Variants in PTPRT observed in about 807,000 individuals in gnomAD.
PTPRT encodes receptor-type tyrosine-protein phosphatase T.
A neutral mutation model predicts 176.8 loss-of-function variants in PTPRT; 56 were observed. That is an observed-to-expected ratio of 0.32 (90% confidence interval 0.26 to 0.40). The LOEUF (loss-of-function observed/expected upper bound fraction) is 0.40. Ranked by LOEUF, PTPRT falls within the 10% of genes least tolerant of loss-of-function variation. The pLI is 1.00. For missense variants in PTPRT, 1,540 were observed against 1,908.2 expected (o/e 0.81, Z 3.60); for synonymous variants, 783 against 739.0 (o/e 1.06, Z -0.96).
At chr20:42,135,472 A>C (rs932723854) in intron 18 of PTPRT, among the ~76,000 whole-genome samples, 2 of 152,200 alleles carry the variant, frequency 1.3e-5, no homozygotes, top group African/African-American at 4.8e-5. Flanking sequence ...GGGGCCCATC[A>C]ATATGCATTT....
chr20:43,066,423 A>T (rs541683827), intron 1 of PTPRT, among the ~76,000 whole-genome samples: 2 of 152,190 alleles, frequency 1.3e-5, no homozygotes, highest in Admixed American at 6.5e-5. Flanking sequence ...ACCCAAGAAC[A>T]TTGCAGAGGC....
chr20:42,424,773 C>G (rs1237496909), intron 9 of PTPRT, among the ~76,000 whole-genome samples: 8 of 150,550 alleles, frequency 5.3e-5, no homozygotes, highest in African/African-American at 2.5e-5. Context: ...AAATATAAAA[C>G]AGTCCTTAGC....
chr20:42,723,807 A>T (rs1249297546), intron 6 of PTPRT, among the ~76,000 whole-genome samples: 1 of 152,158 alleles, frequency 6.6e-6, no homozygotes, highest in Non-Finnish European at 1.5e-5. Context: ...CCCACATGGG[A>T]TGGGCAGATC....
chr20:42,049,339 C>T, the PTPRT span, among the ~76,000 whole-genome samples: 6 of 152,200 alleles, frequency 3.9e-5, no homozygotes, highest in Non-Finnish European at 8.8e-5. Context: ...GTCTCTTGGC[C>T]TCCCCTTAGG....
chr20:42,729,024 C>T (rs868825461), intron 6 of PTPRT, among the ~76,000 whole-genome samples: 1 of 152,032 alleles, frequency 6.6e-6, no homozygotes, highest in African/African-American at 2.4e-5. Context: ...ACTCAACTCA[C>T]AGAACAATCC....
chr20:42,829,867 G>A (rs2078056736), intron 2 of PTPRT, among the ~76,000 whole-genome samples: 1 of 152,052 alleles, frequency 6.6e-6, no homozygotes, highest in Non-Finnish European at 1.5e-5. Flanking sequence ...ACACATTTGT[G>A]GACATATACA....
chr20:42,845,218 C>T (rs1036610033), intron 2 of PTPRT, among the ~76,000 whole-genome samples: 7 of 152,172 alleles, frequency 4.6e-5, no homozygotes, highest in East Asian at 1.9e-4. Flanking sequence ...GTTTCTGTTT[C>T]GGGTGTTCTT....
chr20:42,954,008 T>A (rs1186989376), intron 1 of PTPRT, among the ~76,000 whole-genome samples: 1 of 152,018 alleles, frequency 6.6e-6, no homozygotes, highest in Non-Finnish European at 1.5e-5. Flanking sequence ...GCCTGGGAGA[T>A]AATGGACGAG....
chr20:42,542,994 T>G (rs774081922), intron 7 of PTPRT, among the ~76,000 whole-genome samples: 1 of 152,218 alleles, frequency 6.6e-6, no homozygotes, highest in African/African-American at 2.4e-5. Flanking sequence ...ATGCTAAGGA[T>G]CATCTGAGCC....
intron 1 of PTPRT, among the ~76,000 whole-genome samples, chr20:42,999,155 A>T (rs754049531): frequency 1.1e-4 from 17 of 152,224 alleles, no homozygotes; most frequent in Non-Finnish European, 1.9e-4. Flanking sequence ...TTAATGGTGA[A>T]GAATATTTAG....
intron 1 of PTPRT, among the ~76,000 whole-genome samples, chr20:43,096,586 G>A (rs1041199336): frequency 1.3e-5 from 2 of 152,094 alleles, no homozygotes; most frequent in African/African-American, 4.8e-5. Context: ...GCAGGCTCCC[G>A]CCCCCCATCC....
intron 7 of PTPRT, among the ~76,000 whole-genome samples, chr20:42,646,882 CTTTTTTTTTTTTTTTTTT>C (rs1161994908): frequency 7.9e-5 from 6 of 76,224 alleles, no homozygotes; most frequent in African/African-American, 3.8e-4. Context: ...CTAAGACAGC[CTTTTTTTTTTTTTTTTTT>C]TTTTTTTTTT....
At chr20:42,575,132 C>T (rs554541526) in intron 7 of PTPRT, among the ~76,000 whole-genome samples, 35 of 152,248 alleles carry the variant, frequency 2.3e-4, no homozygotes, top group East Asian at 1.4e-3. Context: ...TGACTGCATC[C>T]GGTTCTGGAG....
intron 9 of PTPRT, among the ~76,000 whole-genome samples, chr20:42,366,044 C>A (rs6072702): frequency 6.6e-6 from 1 of 152,096 alleles, no homozygotes; most frequent in Non-Finnish European, 1.5e-5. Flanking sequence ...CCTCCTGCTC[C>A]AGGGGACTTC....
intron 6 of PTPRT, among the ~76,000 whole-genome samples, chr20:42,742,692 G>C (rs1436768196): frequency 6.6e-5 from 10 of 152,200 alleles, no homozygotes; most frequent in Non-Finnish European, 1.3e-4. Flanking sequence ...TACAGAGAAC[G>C]TAACATTGTC....
intron 1 of PTPRT, among the ~76,000 whole-genome samples, chr20:42,976,556 C>T (rs985169365): frequency 6.6e-6 from 1 of 152,088 alleles, no homozygotes; most frequent in Admixed American, 6.5e-5. Flanking sequence ...TAGGCACCCA[C>T]CACCACACCT....
At chr20:42,184,595 C>CTTCTTCT (rs1990684333) in intron 16 of PTPRT, among the ~76,000 whole-genome samples, 63 of 29,356 alleles carry the variant, frequency 2.1e-3, no homozygotes, top group Admixed American at 3.7e-3. Context: ...CTTCTTCTTC[C>CTTCTTCT]TCTTCTTCTT....
chr20:42,453,990 C>A (rs890188100), intron 8 of PTPRT, among the ~76,000 whole-genome samples: 1 of 152,114 alleles, frequency 6.6e-6, no homozygotes, highest in Non-Finnish European at 1.5e-5. Flanking sequence ...TGAGCCACTG[C>A]GCTCAGCCTG....
chr20:42,856,985 T>C (rs1283459237), intron 2 of PTPRT, among the ~76,000 whole-genome samples: 3 of 152,182 alleles, frequency 2.0e-5, no homozygotes, highest in African/African-American at 7.2e-5. Flanking sequence ...TCTGAGTACA[T>C]GCCTTCAATT....
Sources: allele counts gnomAD v4.1 joint callset (sites outside exome capture counted in the v4.1 genomes callset), GRCh38; gene constraint gnomAD v4.1.1; transcripts MANE v1.5; gene names NCBI Gene and HGNC (gene_info 2026-07-23, HGNC 2026-07-21).